Variants in SEMA3A observed in about 807,000 individuals in gnomAD.
The protein encoded by SEMA3A is semaphorin 3A, also known as semaphorin-3A.
SEMA3A carries 29 observed loss-of-function variants against 97.9 expected under a neutral mutation model. The observed-to-expected ratio is 0.30, with a 90% CI of 0.22 to 0.40. The LOEUF (loss-of-function observed/expected upper bound fraction) is 0.40. Ranked by LOEUF, SEMA3A falls within the 10% of genes least tolerant of loss-of-function variation. The pLI is 1.00. For missense variants in SEMA3A, 763 were observed against 951.3 expected, an observed-to-expected ratio of 0.80 and a Z score of 2.60; for synonymous variants, 321 against 323.7, an observed-to-expected ratio of 0.99 and a Z score of 0.09.
chr7:84,220,780 T>G (rs1348641889), intron 3 of SEMA3A, among the ~76,000 whole-genome samples: 1 of 152,126 alleles, frequency 6.6e-6, no homozygotes, highest in Non-Finnish European at 1.5e-5. Flanking sequence ...TAATCAGACG[T>G]GCTGTCACAC....
chr7:83,992,605 C>T (rs1790008125), intron 12 of SEMA3A, among the ~76,000 whole-genome samples: 1 of 151,856 alleles, frequency 6.6e-6, no homozygotes, highest in Non-Finnish European at 1.5e-5. Flanking sequence ...GCAGGTTGTT[C>T]AGTTTCCATG....
At chr7:84,455,053 T>C (rs2527535) in intron 1 of SEMA3A, among the ~76,000 whole-genome samples, 17,514 of 151,972 alleles carry the variant, frequency 0.12, 1,899 homozygotes, top group African/African-American at 0.27. Context: ...TTTTATGACA[T>C]TGAATAATTA....
At chr7:84,314,646 T>C (rs1322237929) in intron 2 of SEMA3A, among the ~76,000 whole-genome samples, 1 of 152,186 alleles carries the variant, frequency 6.6e-6, no homozygotes, top group African/African-American at 2.4e-5. Flanking sequence ...TTTGTTACCA[T>C]AGTACGACTT....
rs368265191 is a variant in SEMA3A, at chr7:84,389,242, T to C, written c.-245-17342A>G. Among the ~76,000 whole-genome samples the C allele has an allele frequency of 6.6e-5, 10 of 152,154 alleles. 2 individuals are homozygous for C. Among genetic ancestry groups the C allele is most frequent in the Admixed American group, 6.5e-5 (1 of 15,286 alleles). ...TTTAAGCTTTGACCTTCTAGATATATTGGAGTCATCCCACTCATGAAAAAT... is the reference window on the plus strand; with the variant it reads ...TTTAAGCTTTGACCTTCTAGATATACTGGAGTCATCCCACTCATGAAAAAT... On this transcript the variant is annotated intron_variant, in intron 1 of 3. Coordinates refer to the SEMA3A transcript ENST00000424555.
At position 83,963,446 on chromosome 7, in the gene SEMA3A, A is replaced by C; in HGVS notation, c.1718-99T>G. On this transcript the variant is annotated intron_variant, in intron 15 of 16. Transcript: ENST00000265362. The stretch of plus-strand genomic sequence containing the variant: ...AAATTCAGGAGACAAGTTATTGCCA[A>C]GTTGGAAGTTGTTTCACATTGATTG... The C allele has an allele frequency of 2.3e-6, 3 of 1,299,570 alleles. No individual in the cohort carries two copies. The East Asian group carries it at 7.1e-5, about 31-fold the overall frequency. The allele number at this position is 1,299,570 out of a possible 1,614,324, so 80.5% of individuals were successfully genotyped here.
chr7:84,471,581 C>T (rs1806150895), intron 1 of SEMA3A, among the ~76,000 whole-genome samples: 1 of 151,918 alleles, frequency 6.6e-6, no homozygotes, highest in African/African-American at 2.4e-5. Flanking sequence ...ATTTGTGAGA[C>T]AATAATACCA....
chr7:84,322,191 A>G (rs896240116), intron 2 of SEMA3A, among the ~76,000 whole-genome samples: 5 of 151,822 alleles, frequency 3.3e-5, no homozygotes, highest in Non-Finnish European at 7.4e-5. Flanking sequence ...CCCTTGACAC[A>G]TGGAGATTAT....
chr7:84,465,796 T>C (rs1022247639), intron 1 of SEMA3A, among the ~76,000 whole-genome samples: 31 of 152,272 alleles, frequency 2.0e-4, no homozygotes, highest in African/African-American at 7.2e-4. Flanking sequence ...TGACTACTTA[T>C]TGCCTTCATT....
In SEMA3A at chr7:84,179,993, C is replaced by T. The variant is rs186501427; in HGVS notation, c.112+14482G>A. ...TTTTTTTTTTTTTGAGACTGAATTT[C>T]GCTCTTGTTGTGGCGCGATCTCGGC... On this transcript the variant is annotated intron_variant, in intron 1 of 16. Coordinates refer to ENST00000265362, the MANE Select transcript of SEMA3A (RefSeq NM_006080.3). Among the ~76,000 whole-genome samples, 18 of 116,510 alleles carry T rather than the reference C, an allele frequency of 1.5e-4. 1 individual carries two copies. In the East Asian group the frequency reaches 2.3e-3, roughly 15 times the overall value. 76.4% of individuals were successfully genotyped at this position (116,510 alleles called of 152,430 possible).
chr7:84,361,124 A>C (rs1441555232), intron 2 of SEMA3A, among the ~76,000 whole-genome samples: 1 of 152,086 alleles, frequency 6.6e-6, no homozygotes. Flanking sequence ...TAAGATTTTA[A>C]CAGACTTCAT....
intron 4 of SEMA3A, among the ~76,000 whole-genome samples, chr7:84,062,571 G>T (rs78932353): frequency 1.3e-5 from 2 of 152,194 alleles, no homozygotes; most frequent in Non-Finnish European, 2.9e-5. Flanking sequence ...CGCACCACGC[G>T]CGAGCCGAAG....
At chr7:84,030,900 A>G (rs1441065945) in intron 6 of SEMA3A, among the ~76,000 whole-genome samples, 1 of 151,854 alleles carries the variant, frequency 6.6e-6, no homozygotes, top group Non-Finnish European at 1.5e-5. Context: ...AGCTAAGAAA[A>G]TTCTTTAATA....
intron 4 of SEMA3A, among the ~76,000 whole-genome samples, chr7:84,063,885 C>T (rs1793362811): frequency 6.7e-6 from 1 of 150,156 alleles, no homozygotes; most frequent in South Asian, 2.2e-4. Context: ...TCTAGCAAGG[C>T]AAGCCAACAT....
intron 3 of SEMA3A, among the ~76,000 whole-genome samples, chr7:84,258,637 T>C (rs1315647563): frequency 2.6e-5 from 4 of 152,174 alleles, no homozygotes; most frequent in Non-Finnish European, 4.4e-5. Context: ...ATATTTTAAA[T>C]GCTTCAGGTC....
chr7:84,295,100 A>G (rs1265079255), intron 3 of SEMA3A, among the ~76,000 whole-genome samples: 1 of 152,062 alleles, frequency 6.6e-6, no homozygotes, highest in Admixed American at 6.6e-5. Flanking sequence ...TGGAATTTCA[A>G]CTAACACATC....
intron 6 of SEMA3A, among the ~76,000 whole-genome samples, chr7:84,014,591 G>A (rs1791019047): frequency 6.6e-6 from 1 of 152,132 alleles, no homozygotes; most frequent in Non-Finnish European, 1.5e-5. Context: ...AGTAGGTGCA[G>A]AAAGAAATCT....
At chr7:84,118,431 T>A (rs2115973164) in intron 3 of SEMA3A, among the ~76,000 whole-genome samples, 1 of 152,300 alleles carries the variant, frequency 6.6e-6, no homozygotes, top group Admixed American at 6.5e-5. Flanking sequence ...AGGCTGGCTA[T>A]CAACAAAATC....
intron 3 of SEMA3A, among the ~76,000 whole-genome samples, chr7:84,284,624 G>T (rs574576557): frequency 6.6e-6 from 1 of 152,136 alleles, no homozygotes; most frequent in African/African-American, 2.4e-5. Flanking sequence ...TTTCTGTAAA[G>T]AGTATTAGCA....
chr7:84,064,564 G>A (rs1793398585), intron 4 of SEMA3A, among the ~76,000 whole-genome samples: 1 of 151,716 alleles, frequency 6.6e-6, no homozygotes, highest in East Asian at 1.9e-4. Flanking sequence ...AAAATAAAAG[G>A]ATGGAGGAAG....
Sources: gnomAD v4.1 joint callset for allele counts (sites outside exome capture counted in the v4.1 genomes callset) on GRCh38, gnomAD v4.1.1 for gene constraint, MANE v1.5 for transcripts, NCBI Gene and HGNC (gene_info 2026-07-23, HGNC 2026-07-21) for gene names.